Variants in C2CD3 observed in about 807,000 individuals in gnomAD.
The protein encoded by C2CD3 is C2 domain containing 3 centriole elongation regulator, also known as C2 domain-containing protein 3.
In C2CD3, 148 loss-of-function variants were observed where a neutral mutation model predicts 234.0. The ratio of observed to expected loss-of-function variants is 0.63; its 90% confidence interval spans 0.55 to 0.72. C2CD3 has a LOEUF of 0.72. Among genes scored for constraint, C2CD3 ranks in the 30% least tolerant of loss-of-function variants. C2CD3 has a pLI of 0.00. For missense variants in C2CD3, 2,577 were observed against 2,811.5 expected (o/e 0.92, Z 1.89); for synonymous variants, 1,000 against 1,035.4 (o/e 0.97, Z 0.66).
chr11:74,130,989 G>C (rs1165821746), intron 7 of C2CD3, among the ~76,000 whole-genome samples: 1 of 150,988 alleles, frequency 6.6e-6, no homozygotes, highest in Non-Finnish European at 1.5e-5. Flanking sequence ...ATTTTTTTGA[G>C]ACAAGATCTC....
chr11:74,041,771 G>A (rs1953071976), intron 29 of C2CD3, among the ~76,000 whole-genome samples: 1 of 152,162 alleles, frequency 6.6e-6, no homozygotes, highest in African/African-American at 2.4e-5. Context: ...TGTGAGGCTG[G>A]TTATTATTAA....
chr11:74,060,605 A>C (rs1180929770), intron 24 of C2CD3, among the ~76,000 whole-genome samples: 1 of 152,220 alleles, frequency 6.6e-6, no homozygotes, highest in Non-Finnish European at 1.5e-5. Flanking sequence ...TCCACACCAA[A>C]ACCCCATGTG....
Position 74,074,273 on chromosome 11 carries a change from GCT to G in C2CD3, c.4929_4930del (p.Arg1643SerfsTer30). The G allele has an allele frequency of 1.2e-6, 2 of 1,613,700 alleles. No individual in the cohort carries two copies. The highest frequency in any genetic ancestry group is 1.7e-6 in the Non-Finnish European group (2 of 1,179,690). On this transcript the variant is annotated frameshift_variant, in exon 24 of 33. Coordinates refer to ENST00000334126, the MANE Select transcript of C2CD3 (RefSeq NM_001286577.2). LOFTEE classifies it high-confidence loss of function. ...CATACCTTTCAAGCTCAAGTGCATTGCTCTTTCTACTAGGATGCTGACTGCAA... is the reference window on the plus strand; with the variant it reads ...CATACCTTTCAAGCTCAAGTGCATTGCTTTCTACTAGGATGCTGACTGCAA...
chr11:74,108,223 T>C (rs760932119), intron 12 of C2CD3: 5 of 151,720 alleles, frequency 3.3e-5, no homozygotes, highest in South Asian at 2.1e-4. Context: ...TGTAAATACA[T>C]TGAAATGTTA....
At chr11:74,141,302 G>GT (rs1958041436) in intron 3 of C2CD3, among the ~76,000 whole-genome samples, 1 of 152,206 alleles carries the variant, frequency 6.6e-6, no homozygotes, top group African/African-American at 2.4e-5. Context: ...GAAGATCTTT[G>GT]TACAAAGACA....
At chr11:74,152,682 C>G (rs1020132191) in intron 3 of C2CD3, among the ~76,000 whole-genome samples, 3 of 152,152 alleles carry the variant, frequency 2.0e-5, no homozygotes, top group African/African-American at 7.2e-5. Context: ...TACTATATGA[C>G]TTCATTGTGT....
At chr11:74,088,836 A>G (rs1440390085) in intron 20 of C2CD3, among the ~76,000 whole-genome samples, 3 of 152,170 alleles carry the variant, frequency 2.0e-5, no homozygotes, top group South Asian at 2.1e-4. Flanking sequence ...GATAACTACT[A>G]TTCTTCTTTT....
intron 7 of C2CD3, among the ~76,000 whole-genome samples, chr11:74,132,376 C>T (rs180716710): frequency 6.6e-6 from 1 of 152,126 alleles, no homozygotes; most frequent in Non-Finnish European, 1.5e-5. Flanking sequence ...AAAAAAAAAC[C>T]CCGCAAAATA....
intron 8 of C2CD3, among the ~76,000 whole-genome samples, chr11:74,121,805 T>C (rs1215749740): frequency 6.6e-6 from 1 of 152,112 alleles, no homozygotes; most frequent in African/African-American, 2.4e-5. Flanking sequence ...CTTTATCCTA[T>C]AGGGAACACA....
In C2CD3 at chr11:74,051,125, A is replaced by C. The variant is rs141463434; in HGVS notation, c.5156-1583T>G. The stretch of plus-strand genomic sequence containing the variant: ...AACATAACATGACCCCATCTCTAAA[A>C]AAAACAAAACAAAACAAAAAATTTG... On this transcript the variant is annotated intron_variant, in intron 26 of 32. Transcript: ENST00000334126. Among the ~76,000 whole-genome samples the C allele has an allele frequency of 4.4e-3, 669 of 151,204 alleles. 19 individuals are homozygous for C. Among genetic ancestry groups the C allele is most frequent in the African/African-American group, 0.014 (559 of 40,634 alleles).
At chr11:74,139,078 T>G (rs1957962178) in intron 4 of C2CD3, 111 bp from the exon 5 acceptor site, 1 of 800,730 alleles carries the variant, frequency 1.2e-6, no homozygotes, top group Non-Finnish European at 2.0e-6. Flanking sequence ...AGTTTGGACC[T>G]CAAAAAGCGT....
intron 11 of C2CD3, among the ~76,000 whole-genome samples, chr11:74,112,801 G>A (rs1481122229): frequency 1.3e-5 from 2 of 152,248 alleles, no homozygotes; most frequent in African/African-American, 4.8e-5. Flanking sequence ...AAAGTAACAA[G>A]TGTTGACGAG....
intron 9 of C2CD3, among the ~76,000 whole-genome samples, chr11:74,116,835 T>C (rs1455606606): frequency 7.0e-6 from 1 of 143,580 alleles, no homozygotes; most frequent in African/African-American, 2.6e-5. Flanking sequence ...TACGTGTGTG[T>C]ATATATACAC....
intron 20 of C2CD3, among the ~76,000 whole-genome samples, chr11:74,086,436 C>A (rs1955645665): frequency 6.6e-6 from 1 of 152,200 alleles, no homozygotes; most frequent in East Asian, 1.9e-4. Flanking sequence ...TTTAGCCAGA[C>A]AGGAGGATGT....
chr11:74,135,153 C>G (rs1957818043), intron 5 of C2CD3, among the ~76,000 whole-genome samples: 1 of 151,218 alleles, frequency 6.6e-6, no homozygotes. Context: ...AGGCAGAATT[C>G]TAAGATGGCT....
chr11:74,025,747 T>C (rs1168209807), intron 32 of C2CD3, among the ~76,000 whole-genome samples: 3 of 152,150 alleles, frequency 2.0e-5, no homozygotes, highest in African/African-American at 4.8e-5. Flanking sequence ...TAAGAGGGCC[T>C]GCTTTTTTCC....
At chr11:74,116,883 C>CAT (rs1257527086) in intron 9 of C2CD3, among the ~76,000 whole-genome samples, 9 of 119,998 alleles carry the variant, frequency 7.5e-5, no homozygotes, top group Non-Finnish European at 1.0e-4. Context: ...TGTATATATA[C>CAT]ACACGTGTAT....
intron 31 of C2CD3, among the ~76,000 whole-genome samples, chr11:74,032,800 G>A (rs1234113773): frequency 6.6e-6 from 1 of 151,758 alleles, no homozygotes; most frequent in Non-Finnish European, 1.5e-5. Context: ...AAGAATCTGA[G>A]GCTGCAGTGA....
At chr11:74,155,806 T>C (rs1236887829) in intron 3 of C2CD3, among the ~76,000 whole-genome samples, 1 of 152,100 alleles carries the variant, frequency 6.6e-6, no homozygotes, top group African/African-American at 2.4e-5. Flanking sequence ...CTAGATTTAA[T>C]AGCAGTGATG....
Sources: gnomAD v4.1 joint callset for allele counts (sites outside exome capture counted in the v4.1 genomes callset) on GRCh38, gnomAD v4.1.1 for gene constraint, MANE v1.5 for transcripts, NCBI Gene and HGNC (gene_info 2026-07-23, HGNC 2026-07-21) for gene names.